CMTM8: variants seen among roughly 807,000 people sequenced by gnomAD.
CMTM8 encodes the protein CKLF like MARVEL transmembrane domain containing 8.
Under a neutral mutation model 18.6 loss-of-function variants are expected in CMTM8, and 12 were observed. The observed-to-expected ratio is 0.65, with a 90% CI of 0.41 to 1.05. The LOEUF (loss-of-function observed/expected upper bound fraction) is 1.05, where lower values mean the gene tolerates loss of function less well. CMTM8 is among the 50% of genes least tolerant of loss of function. The pLI is 0.00. For synonymous variants in CMTM8, 87 were observed against 90.6 expected (o/e 0.96, Z 0.23); for missense variants, 217 against 227.2 (o/e 0.95, Z 0.29).
chr3:32,348,572 C>A (rs1053136306), intron 1 of CMTM8, among the ~76,000 whole-genome samples: 5 of 121,680 alleles, frequency 4.1e-5, no homozygotes, highest in African/African-American at 1.5e-4. Context: ...GATCTCAGCT[C>A]ACTACAGCCT....
intron 1 of CMTM8, among the ~76,000 whole-genome samples, chr3:32,315,520 T>C (rs1222873489): frequency 6.6e-6 from 1 of 152,220 alleles, no homozygotes; most frequent in African/African-American, 2.4e-5. Flanking sequence ...AATAGAGGCA[T>C]CACTGGCCAG....
At chr3:32,332,035 C>T (rs1028662411) in intron 1 of CMTM8, among the ~76,000 whole-genome samples, 12 of 145,552 alleles carry the variant, frequency 8.2e-5, no homozygotes, top group African/African-American at 2.8e-4. Flanking sequence ...TTTGACCACA[C>T]GCGCACACAC....
At chr3:32,368,029 C>T (rs747355672) in intron 3 of CMTM8, 41 bp downstream of exon 3, 4 of 1,361,588 alleles carry the variant, frequency 2.9e-6, no homozygotes, top group Non-Finnish European at 3.2e-6. Context: ...CCTCTTCCCT[C>T]TCCAAGGCTT....
At chr3:32,292,712 T>C (rs536338262) in intron 1 of CMTM8, among the ~76,000 whole-genome samples, 4 of 152,046 alleles carry the variant, frequency 2.6e-5, no homozygotes, top group Admixed American at 6.6e-5. Flanking sequence ...GTTGTGTGCA[T>C]TGTGGGATGC....
chr3:32,338,848 A>G (rs557317245), intron 1 of CMTM8, among the ~76,000 whole-genome samples: 3 of 152,338 alleles, frequency 2.0e-5, no homozygotes, highest in Admixed American at 2.0e-4. Context: ...GTGTTTTCCT[A>G]AGGTTCCATC....
At chr3:32,313,243 G>A (rs958536818) in intron 1 of CMTM8, among the ~76,000 whole-genome samples, 1 of 152,136 alleles carries the variant, frequency 6.6e-6, no homozygotes, top group Non-Finnish European at 1.5e-5. Context: ...AATGAAGCCC[G>A]CTCTTTCCCG....
At chr3:32,272,114 A>G (rs1702447187) in intron 1 of CMTM8, among the ~76,000 whole-genome samples, 1 of 152,106 alleles carries the variant, frequency 6.6e-6, no homozygotes, top group South Asian at 2.1e-4. Context: ...CTTGGCAGTT[A>G]TTTTTGTCTC....
chr3:32,327,113 T>TAAA (rs35018766), intron 1 of CMTM8, among the ~76,000 whole-genome samples: 1 of 141,058 alleles, frequency 7.1e-6, no homozygotes. Flanking sequence ...CTAGAAGAGT[T>TAAA]AAAAAAAAAA....
chr3:32,308,482 C>T (rs770922483), intron 1 of CMTM8, among the ~76,000 whole-genome samples: 9 of 152,312 alleles, frequency 5.9e-5, no homozygotes, highest in South Asian at 2.1e-4. Context: ...AACTTAGCTA[C>T]TTGGATGGGA....
intron 1 of CMTM8, among the ~76,000 whole-genome samples, chr3:32,326,580 G>A (rs1251134773): frequency 6.8e-6 from 1 of 146,472 alleles, no homozygotes; most frequent in Non-Finnish European, 1.5e-5. Flanking sequence ...GCAGTGGCGT[G>A]ATCTTGGCTC....
chr3:32,263,966 A>G (rs1481463549), intron 1 of CMTM8, among the ~76,000 whole-genome samples: 1 of 152,266 alleles, frequency 6.6e-6, no homozygotes, highest in Non-Finnish European at 1.5e-5. Flanking sequence ...GACCAAATCT[A>G]TGTCTGATTG....
At chr3:32,299,788 T>C (rs1695578609) in intron 1 of CMTM8, among the ~76,000 whole-genome samples, 1 of 152,192 alleles carries the variant, frequency 6.6e-6, no homozygotes, top group Admixed American at 6.5e-5. Flanking sequence ...CCAGCAAAGA[T>C]CATCTAATAA....
chr3:32,268,100 A>T (rs1702375824), intron 1 of CMTM8, among the ~76,000 whole-genome samples: 1 of 152,210 alleles, frequency 6.6e-6, no homozygotes. Context: ...CTGGGTATAT[A>T]CCCAAAGGAT....
At chr3:32,285,954 T>C (rs1264799658) in intron 1 of CMTM8, among the ~76,000 whole-genome samples, 1 of 152,214 alleles carries the variant, frequency 6.6e-6, no homozygotes, top group Non-Finnish European at 1.5e-5. Context: ...TGGACACAGG[T>C]GACTTAAATT....
chr3:32,334,392 G>T (rs1045624214), intron 1 of CMTM8, among the ~76,000 whole-genome samples: 2 of 151,898 alleles, frequency 1.3e-5, no homozygotes, highest in South Asian at 2.1e-4. Context: ...AGATCACGAG[G>T]TCAGGAGATC....
intron 1 of CMTM8, among the ~76,000 whole-genome samples, chr3:32,353,897 G>A (rs2125596965): frequency 6.7e-6 from 1 of 149,524 alleles, no homozygotes; most frequent in African/African-American, 2.5e-5. Flanking sequence ...CGATTCTCCT[G>A]CCTCAGCCTC....
At chr3:32,364,043 C>T (rs534196083) in intron 2 of CMTM8, among the ~76,000 whole-genome samples, 3 of 152,256 alleles carry the variant, frequency 2.0e-5, no homozygotes, top group South Asian at 2.1e-4. Flanking sequence ...AAAGGCAAGC[C>T]GCAGGTGAAG....
At chr3:32,315,125 C>CTTT (rs199887965) in intron 1 of CMTM8, among the ~76,000 whole-genome samples, 4 of 143,924 alleles carry the variant, frequency 2.8e-5, no homozygotes, top group Non-Finnish European at 4.5e-5. Flanking sequence ...TCTTCTTCTT[C>CTTT]TTCTTTTTTT....
At chr3:32,284,795 G>A (rs1183242412) in intron 1 of CMTM8, among the ~76,000 whole-genome samples, 1 of 152,180 alleles carries the variant, frequency 6.6e-6, no homozygotes, top group Non-Finnish European at 1.5e-5. Flanking sequence ...TGAGGGAAAG[G>A]TTTTTGTTTT....
Sources: allele counts gnomAD v4.1 joint callset (sites outside exome capture counted in the v4.1 genomes callset), GRCh38; gene constraint gnomAD v4.1.1; transcripts MANE v1.5; gene names NCBI Gene and HGNC (gene_info 2026-07-23, HGNC 2026-07-21).